The following ASAP1 variants were observed in gnomAD, a reference collection of about 807,000 sequenced individuals.
ASAP1 encodes the protein arf-GAP with SH3 domain, ANK repeat and PH domain-containing protein 1.
A neutral mutation model predicts 145.2 loss-of-function variants in ASAP1; 43 were observed. The observed-to-expected ratio is 0.30, with a 90% CI of 0.23 to 0.38. The LOEUF is 0.38. Ranked by LOEUF, ASAP1 falls within the 10% of genes least tolerant of loss-of-function variation. The probability of loss-of-function intolerance (pLI) is 1.00; values close to 1 mark genes in which losing one functional copy is unlikely to be tolerated. For synonymous variants in ASAP1, 546 were observed against 515.5 expected (o/e 1.06, Z -0.80); for missense variants, 1,018 against 1,355.3 (o/e 0.75, Z 3.91).
chr8:130,356,805 G>C (rs1826337612), intron 3 of ASAP1, among the ~76,000 whole-genome samples: 1 of 152,150 alleles, frequency 6.6e-6, no homozygotes, highest in African/African-American at 2.4e-5. Context: ...GGAAACATGA[G>C]TATCAAAGCT....
At chr8:130,272,299 C>T (rs1318276409) in intron 3 of ASAP1, among the ~76,000 whole-genome samples, 1 of 152,166 alleles carries the variant, frequency 6.6e-6, no homozygotes, top group Non-Finnish European at 1.5e-5. Context: ...CATCTTATCC[C>T]AGTTAGAATG....
chr8:130,309,941 C>G (rs1164700848), intron 3 of ASAP1, among the ~76,000 whole-genome samples: 1 of 152,122 alleles, frequency 6.6e-6, no homozygotes, highest in Non-Finnish European at 1.5e-5. Context: ...ATGATGTTAA[C>G]ACTATGGTAA....
At chr8:130,191,692 A>G (rs934672368) in intron 5 of ASAP1, among the ~76,000 whole-genome samples, 6 of 152,180 alleles carry the variant, frequency 3.9e-5, no homozygotes, top group Non-Finnish European at 8.8e-5. Flanking sequence ...AAAGTAGAAT[A>G]TTATAACCTA....
chr8:130,183,632 G>A lies in ASAP1; in HGVS notation c.531-2752C>T, dbSNP rs538298865. ...GCTGGGACCACAGGCATGAGCCACC[G>A]TGCCTGAAAATTATTATAAAATCAG... On this transcript the variant is annotated intron_variant, in intron 7 of 29. Transcript: ENST00000518721. Among the ~76,000 whole-genome samples the A allele has an allele frequency of 3.9e-5, 6 of 152,150 alleles. No individual in the cohort carries two copies. The South Asian group carries it at 6.2e-4, about 16-fold the overall frequency.
intron 1 of ASAP1, among the ~76,000 whole-genome samples, chr8:130,409,215 T>C (rs1401977556): frequency 2.6e-5 from 4 of 151,882 alleles, no homozygotes; most frequent in Admixed American, 2.0e-4. Flanking sequence ...TGAGCCGAGA[T>C]TGCGCCACTG....
chr8:130,421,396 G>A (rs1315665752), intron 1 of ASAP1, among the ~76,000 whole-genome samples: 1 of 152,202 alleles, frequency 6.6e-6, no homozygotes, highest in African/African-American at 2.4e-5. Context: ...AGCACTGCTA[G>A]TTCACCAAAA....
intron 3 of ASAP1, among the ~76,000 whole-genome samples, chr8:130,259,993 A>G (rs1236415419): frequency 6.6e-6 from 1 of 152,216 alleles, no homozygotes. Context: ...CTTTAGGGAA[A>G]ATGGATAAAG....
Position 130,134,275 on chromosome 8 carries a change from CT to C in ASAP1, c.1217+20del. 6.4e-7 allele frequency: 1 copy of C among 1,556,818 alleles called. No individual in the cohort carries two copies. Among genetic ancestry groups the C allele is most frequent in the Admixed American group, 1.9e-5 (1 of 52,914 alleles). ...GCTTTTTCAATCCAAGGCATCGCACCTTTATTTCAAAACTACTTACGCTACA... is the reference window on the plus strand; with the variant it reads ...GCTTTTTCAATCCAAGGCATCGCACCTTATTTCAAAACTACTTACGCTACA... On this transcript the variant is annotated intron_variant, in intron 15 of 29. Coordinates refer to ENST00000518721, the MANE Select transcript of ASAP1 (RefSeq NM_018482.4).
rs117233491 is a variant in ASAP1, at chr8:130,204,665, C to T, written c.405+9891G>A. On this transcript the variant is annotated intron_variant, in intron 5 of 29. Coordinates refer to ENST00000518721, the MANE Select transcript of ASAP1 (RefSeq NM_018482.4). ...AGGAAAGCTGTGAAAAGTATGCATA[C>T]GCTTCTCTAGTCTCTCTCTTCCCCT... 3.9e-4 allele frequency among the ~76,000 whole-genome samples: 60 copies of T among 152,264 alleles called. No individual in the cohort carries two copies. The East Asian group carries it at 0.011, about 27-fold the overall frequency.
At chr8:130,243,446 T>A (rs1371940455) in intron 3 of ASAP1, among the ~76,000 whole-genome samples, 7 of 151,976 alleles carry the variant, frequency 4.6e-5, no homozygotes, top group Admixed American at 2.0e-4. Flanking sequence ...ACATACACAC[T>A]CTCTCTCTCT....
chr8:130,427,120 C>T (rs568114917), intron 1 of ASAP1, among the ~76,000 whole-genome samples: 18 of 152,164 alleles, frequency 1.2e-4, no homozygotes, highest in Admixed American at 7.2e-4. Context: ...CTTCAGGTGC[C>T]AGGTCATGGG....
intron 5 of ASAP1, among the ~76,000 whole-genome samples, chr8:130,202,029 T>C (rs1366513921): frequency 6.6e-6 from 1 of 152,212 alleles, no homozygotes; most frequent in African/African-American, 2.4e-5. Context: ...GACATTATTG[T>C]CTTCATTTAA....
chr8:130,115,607 G>C, intron 23 of ASAP1, 21 bp downstream of exon 23: 2 of 1,575,376 alleles, frequency 1.3e-6, no homozygotes, highest in Non-Finnish European at 1.7e-6. Context: ...TTGAGAATTC[G>C]AGGACATAAT....
At chr8:130,205,472 C>T (rs1408722884) in intron 5 of ASAP1, among the ~76,000 whole-genome samples, 2 of 148,268 alleles carry the variant, frequency 1.3e-5, no homozygotes, top group African/African-American at 5.0e-5. Flanking sequence ...GTATTTAAGA[C>T]AAGGTATACC....
chr8:130,081,251 G>A (rs2097479716), intron 25 of ASAP1, among the ~76,000 whole-genome samples: 1 of 152,168 alleles, frequency 6.6e-6, no homozygotes, highest in Non-Finnish European at 1.5e-5. Context: ...CACAGGTGGA[G>A]GTAAGTGTGC....
chr8:130,154,863 A>T (rs142457110), intron 12 of ASAP1, among the ~76,000 whole-genome samples: 1 of 152,200 alleles, frequency 6.6e-6, no homozygotes. Context: ...CTCAAATAAG[A>T]GCTAAATCAC....
At chr8:130,336,055 C>T (rs1013207370) in intron 3 of ASAP1, among the ~76,000 whole-genome samples, 3 of 89,606 alleles carry the variant, frequency 3.3e-5, no homozygotes, top group Non-Finnish European at 7.1e-5. Context: ...TACTCAACTC[C>T]AAACTCTGTC....
chr8:130,072,826 C>CGCGCGCGCGT (rs1554816421), intron 27 of ASAP1, among the ~76,000 whole-genome samples: 1 of 13,800 alleles, frequency 7.2e-5, no homozygotes. Flanking sequence ...TGTGTGTGTG[C>CGCGCGCGCGT]GCGCGGGGGG....
At chr8:130,285,422 A>C (rs1821545982) in intron 3 of ASAP1, among the ~76,000 whole-genome samples, 1 of 152,242 alleles carries the variant, frequency 6.6e-6, no homozygotes, top group African/African-American at 2.4e-5. Flanking sequence ...TGTCGGCCAA[A>C]ACAAAATGAT....
Sources: gnomAD v4.1 joint callset for allele counts (sites outside exome capture counted in the v4.1 genomes callset) on GRCh38, gnomAD v4.1.1 for gene constraint, MANE v1.5 for transcripts, NCBI Gene and HGNC (gene_info 2026-07-23, HGNC 2026-07-21) for gene names.